The following RUNX1 variants were observed in gnomAD, a reference collection of about 807,000 sequenced individuals.
RUNX1 encodes runt-related transcription factor 1.
In RUNX1, 19 loss-of-function variants were observed where a neutral mutation model predicts 42.8. The ratio of observed to expected loss-of-function variants is 0.44; its 90% CI spans 0.31 to 0.65. The LOEUF (loss-of-function observed/expected upper bound fraction) is 0.65, where lower values mean the gene tolerates loss of function less well. RUNX1 is among the 30% of genes least tolerant of loss of function. The pLI is 0.07. For missense variants in RUNX1, 528 were observed against 672.0 expected (o/e 0.79, Z 2.37); for synonymous variants, 271 against 289.4 (o/e 0.94, Z 0.64).
In RUNX1 at chr21:34,956,447, A is replaced by T. The variant is rs187844984; in HGVS notation, c.59-63484T>A. ...TTTTTTGTTGAAGTTGTTACTGTGAAATTTCAAGCTCCTTGGGTCTTCGAA... is the reference window on the plus strand; with the variant it reads ...TTTTTTGTTGAAGTTGTTACTGTGATATTTCAAGCTCCTTGGGTCTTCGAA... On this transcript the variant is annotated intron_variant, in intron 2 of 8. Transcript: ENST00000675419. Among the ~76,000 whole-genome samples, 332 of 152,270 alleles carry T rather than the reference A, an allele frequency of 2.2e-3. 2 individuals are homozygous for T. Among genetic ancestry groups the T allele is most frequent in the Non-Finnish European group, 3.5e-3 (241 of 68,024 alleles).
intron 7 of RUNX1, among the ~76,000 whole-genome samples, chr21:34,823,731 C>G (rs2056945658): frequency 6.6e-6 from 1 of 152,184 alleles, no homozygotes; most frequent in South Asian, 2.1e-4. Context: ...GCATGAGCCA[C>G]TGTGCCTGGC....
rs771020864 is a variant in RUNX1 at position 34,907,483 on chromosome 21, C to T, written c.59-14520G>A. Among the ~76,000 whole-genome samples the T allele has an allele frequency of 6.6e-6, 1 of 152,082 alleles. No individual in the cohort carries two copies. Among genetic ancestry groups the T allele is most frequent in the Non-Finnish European group, 1.5e-5 (1 of 68,032 alleles). On this transcript the variant is annotated intron_variant, in intron 2 of 8. Coordinates refer to ENST00000675419, the MANE Select transcript of RUNX1 (RefSeq NM_001754.5). This position sits in a 1 kb window ranked among gnomAD's most constrained non-coding sequence, Gnocchi z 5.3. ...TTTTGATTGATGTATCTCCCCTGAGCCCTGGCATACTATTTACTTCTTACT... is the reference window on the plus strand; with the variant it reads ...TTTTGATTGATGTATCTCCCCTGAGTCCTGGCATACTATTTACTTCTTACT...
At chr21:34,950,440 AC>A (rs1291879734) in intron 2 of RUNX1, among the ~76,000 whole-genome samples, 7,562 of 152,308 alleles carry the variant, frequency 0.05, 600 homozygotes, top group African/African-American at 0.17. Context: ...AATGCCTTGT[AC>A]ATAACTGCAC....
chr21:34,979,338 T>G (rs991846077), intron 2 of RUNX1, among the ~76,000 whole-genome samples: 1 of 152,236 alleles, frequency 6.6e-6, no homozygotes, highest in Admixed American at 6.5e-5. Flanking sequence ...TGCTTTTTTT[T>G]TTTGTTTGCA....
intron 6 of RUNX1, among the ~76,000 whole-genome samples, chr21:34,849,343 A>C (rs1179719647): frequency 5.3e-5 from 2 of 38,026 alleles, no homozygotes; most frequent in Non-Finnish European, 5.3e-5. Context: ...TATATATATT[A>C]TATATAGTAT....
chr21:34,848,676 C>G (rs896935619), intron 6 of RUNX1, among the ~76,000 whole-genome samples: 1 of 152,170 alleles, frequency 6.6e-6, no homozygotes, highest in African/African-American at 2.4e-5. Flanking sequence ...CTCAGGTAAT[C>G]GGCCCACCTC....
Position 34,837,243 on chromosome 21 carries a change from T to C in RUNX1, c.614-2642A>G, listed in dbSNP as rs1182904529. Among the ~76,000 whole-genome samples, 4 of 152,142 alleles carry C rather than the reference T, an allele frequency of 2.6e-5. No homozygotes were observed. In the East Asian group the frequency reaches 7.7e-4, roughly 29 times the overall value. On this transcript the variant is annotated intron_variant, in intron 6 of 8. Coordinates refer to ENST00000675419, the MANE Select transcript of RUNX1 (RefSeq NM_001754.5). ...AGGGCTGAGTTTAATGCTGGAGGAT[T>C]GGGGAAGAGCCCATTCCACTCTCCC...
At chr21:34,808,607 T>C (rs937192724) in intron 7 of RUNX1, among the ~76,000 whole-genome samples, 3 of 152,138 alleles carry the variant, frequency 2.0e-5, no homozygotes, top group Non-Finnish European at 2.9e-5. Flanking sequence ...CCAGGCTCAC[T>C]TGCCTCACAG....
chr21:35,022,519 C>G (rs750133042), intron 2 of RUNX1, among the ~76,000 whole-genome samples: 1 of 152,224 alleles, frequency 6.6e-6, no homozygotes, highest in Non-Finnish European at 1.5e-5. Context: ...GTTCCTCTCA[C>G]AGCAACACTC....
At position 35,029,454 on chromosome 21, in the gene RUNX1, T is replaced by C. The variant is rs566940628; in HGVS notation, c.58+19388A>G. ...CATTAACAGAGCCAGCATAACAATG[T>C]TGGCTTCTAAGGCATTGGGCAGGTG... is the stretch of plus-strand genomic sequence containing the variant. On this transcript the variant is annotated intron_variant, in intron 2 of 8. Transcript: ENST00000675419. Among the ~76,000 whole-genome samples the C allele has an allele frequency of 2.0e-5, 3 of 152,280 alleles. No individual in the cohort carries two copies. In the East Asian group the frequency reaches 5.8e-4, roughly 29 times the overall value.
At chr21:34,968,079 G>A (rs1434295851) in intron 2 of RUNX1, among the ~76,000 whole-genome samples, 1 of 152,206 alleles carries the variant, frequency 6.6e-6, no homozygotes, top group Non-Finnish European at 1.5e-5. Context: ...ACTGTGGCAA[G>A]GGCGTGAATG....
chr21:34,871,289 T>C (rs1451809205), intron 5 of RUNX1, among the ~76,000 whole-genome samples: 2 of 152,136 alleles, frequency 1.3e-5, no homozygotes, highest in African/African-American at 2.4e-5. Flanking sequence ...GTCCACGAAC[T>C]CCCATTTGGA....
chr21:34,910,376 C>T (rs896284464), intron 2 of RUNX1, among the ~76,000 whole-genome samples: 1 of 151,328 alleles, frequency 6.6e-6, no homozygotes, highest in South Asian at 2.1e-4. Context: ...AGATAATTTT[C>T]AGAACTGTTT....
intron 7 of RUNX1, among the ~76,000 whole-genome samples, chr21:34,814,924 A>AC (rs900998685): frequency 6.6e-6 from 1 of 151,056 alleles, no homozygotes; most frequent in African/African-American, 2.4e-5. Flanking sequence ...TCACTGACTG[A>AC]CTCTCTCTCT....
intron 5 of RUNX1, among the ~76,000 whole-genome samples, chr21:34,864,555 GA>G (rs2057628489): frequency 1.3e-5 from 2 of 152,240 alleles, no homozygotes; most frequent in Admixed American, 6.5e-5. Flanking sequence ...TCAGTGCACA[GA>G]TGGCCCCAGC....
At chr21:35,013,301 C>T (rs1279717868) in intron 2 of RUNX1, among the ~76,000 whole-genome samples, 1 of 152,158 alleles carries the variant, frequency 6.6e-6, no homozygotes, top group African/African-American at 2.4e-5. Context: ...TGACAGTTGG[C>T]CCTTGCATAT....
intron 5 of RUNX1, among the ~76,000 whole-genome samples, chr21:34,868,060 G>C (rs1288022567): frequency 2.6e-5 from 4 of 152,204 alleles, no homozygotes; most frequent in South Asian, 2.1e-4. Flanking sequence ...GGAAGGCTTG[G>C]GGGGCGTCAG....
At chr21:34,823,825 C>T (rs547251221) in intron 7 of RUNX1, among the ~76,000 whole-genome samples, 1 of 152,248 alleles carries the variant, frequency 6.6e-6, no homozygotes, top group South Asian at 2.1e-4. Flanking sequence ...ATCGCCATCT[C>T]CTCTTCCCTC....
intron 5 of RUNX1, among the ~76,000 whole-genome samples, chr21:34,865,946 A>G (rs1296580109): frequency 1.3e-5 from 2 of 152,218 alleles, no homozygotes; most frequent in Non-Finnish European, 2.9e-5. Flanking sequence ...GAATCCTCCT[A>G]TAACACCCCG....
Sources: gnomAD v4.1 joint callset for allele counts (sites outside exome capture counted in the v4.1 genomes callset) on GRCh38, gnomAD v4.1.1 for gene constraint, Gnocchi (gnomAD v3.1) non-coding constraint, MANE v1.5 for transcripts, NCBI Gene and HGNC (gene_info 2026-07-23, HGNC 2026-07-21) for gene names.